Variants in KIRREL3 observed in about 807,000 individuals in gnomAD.
KIRREL3 encodes the protein kin of IRRE-like protein 3.
A neutral mutation model predicts 89.7 loss-of-function variants in KIRREL3; 36 were observed. The ratio of observed to expected loss-of-function variants is 0.40; its 90% confidence interval spans 0.31 to 0.53. The LOEUF (loss-of-function observed/expected upper bound fraction) is 0.53. Ranked by LOEUF, KIRREL3 falls within the 20% of genes least tolerant of loss-of-function variation. The pLI is 0.49. For missense variants in KIRREL3, 864 were observed against 1,056.6 expected (o/e 0.82, Z 2.53); for synonymous variants, 445 against 441.4 (o/e 1.01, Z -0.10).
In KIRREL3 at chr11:126,694,073, T is replaced by C. The variant is rs1020171146; in HGVS notation, c.56-131161A>G. ...CAGCTCACAGTCACACTAGGACAAC[T>C]TGGAAGTTGAATTGGCAAGTTGCAG... On this transcript the variant is annotated intron_variant, in intron 1 of 16. Transcript: ENST00000525144. This position sits in a 1 kb window ranked among gnomAD's most constrained non-coding sequence, Gnocchi z 4.4. Among the ~76,000 whole-genome samples the C allele has an allele frequency of 1.4e-4, 21 of 152,300 alleles. No individual in the cohort carries two copies. Among genetic ancestry groups the C allele is most frequent in the African/African-American group, 5.1e-4 (21 of 41,570 alleles).
At chr11:127,001,767 A>G (rs1184075414), upstream of KIRREL3, among the ~76,000 whole-genome samples, 1 of 151,934 alleles carries the variant, frequency 6.6e-6, no homozygotes, top group Non-Finnish European at 1.5e-5. Context: ...GGGAAGCAAA[A>G]TAATAGGCAC....
At chr11:126,722,926 C>T (rs541013986) in intron 1 of KIRREL3, among the ~76,000 whole-genome samples, 34 of 152,300 alleles carry the variant, frequency 2.2e-4, no homozygotes, top group Middle Eastern at 3.4e-3. Context: ...TGGTGATTTC[C>T]GCACGAAATC....
chr11:126,875,283 C>A (rs992399844), intron 1 of KIRREL3, among the ~76,000 whole-genome samples: 1 of 152,070 alleles, frequency 6.6e-6, no homozygotes, highest in African/African-American at 2.4e-5. Context: ...CTGAAGAGAC[C>A]CCCCAGAAAC....
intron 1 of KIRREL3, among the ~76,000 whole-genome samples, chr11:126,792,973 G>A (rs969528796): frequency 1.3e-4 from 20 of 151,982 alleles, no homozygotes; most frequent in Admixed American, 1.3e-3. Context: ...TCTATTGGGG[G>A]GTTCACAGAT....
In KIRREL3 at chr11:126,562,139, T is replaced by G. The variant is rs1333715279; in HGVS notation, c.133+696A>C. On this transcript the variant is annotated intron_variant, in intron 2 of 16. Transcript: ENST00000525144. The surrounding 1 kb of genome is among the most constrained non-coding windows in gnomAD (Gnocchi z 4.7). ...GTCTGTGGCATCTGATGGAGAGGGT[T>G]ATTAGCTGCATGGAGACAGATGGCT... Among the ~76,000 whole-genome samples the G allele has an allele frequency of 6.6e-6, 1 of 152,180 alleles. No homozygotes were observed. The highest frequency in any genetic ancestry group is 1.9e-4 in the East Asian group (1 of 5,194).
rs1339003860 is a variant in KIRREL3, at chr11:126,427,571, G to A, written c.1806+1608C>T. On this transcript the variant is annotated intron_variant, in intron 15 of 16. Transcript: ENST00000525144. This position sits in a 1 kb window ranked among gnomAD's most constrained non-coding sequence, Gnocchi z 5.3. The stretch of plus-strand genomic sequence containing the variant: ...GAAGTCCAAAAGATTCGAAGGCCAG[G>A]AATCAAGCTCTTTGGCATGTCTGGA... Among the ~76,000 whole-genome samples, 2 of 152,196 alleles carry A rather than the reference G, an allele frequency of 1.3e-5. No homozygotes were observed. The highest frequency in any genetic ancestry group is 2.4e-5 in the African/African-American group (1 of 41,444).
intron 1 of KIRREL3, among the ~76,000 whole-genome samples, chr11:126,588,723 C>A (rs1316525814): frequency 2.0e-5 from 3 of 152,190 alleles, no homozygotes; most frequent in Non-Finnish European, 4.4e-5. Flanking sequence ...GTAAGGCCTA[C>A]AAGGGCAGGG....
In KIRREL3 at chr11:126,429,289, C is replaced by A. The variant is rs1308737484; in HGVS notation, c.1697-1G>T. ...TTGGCTGACACAACACCTTTGAGAT[C>A]TGGAGATAAAATAGTAAAGTGTAGA... On this transcript the variant is annotated splice_acceptor_variant, in intron 14 of 16. Transcript: ENST00000525144. LOFTEE classifies it high-confidence loss of function. The surrounding 1 kb of genome is among the most constrained non-coding windows in gnomAD (Gnocchi z 5.2). The A allele has an allele frequency of 1.9e-6, 3 of 1,603,200 alleles. No individual in the cohort carries two copies. The African/African-American group carries it at 4.0e-5, about 21-fold the overall frequency.
At chr11:126,667,167 A>C (rs1413841209) in intron 1 of KIRREL3, among the ~76,000 whole-genome samples, 1 of 152,232 alleles carries the variant, frequency 6.6e-6, no homozygotes, top group Admixed American at 6.5e-5. Flanking sequence ...AGTTACAGGA[A>C]ATAAAAAAAG....
At chr11:126,859,649 G>C (rs989799952) in intron 1 of KIRREL3, among the ~76,000 whole-genome samples, 1 of 152,192 alleles carries the variant, frequency 6.6e-6, no homozygotes, top group African/African-American at 2.4e-5. Context: ...TACATAAATT[G>C]AATTGACATT....
intron 1 of KIRREL3, among the ~76,000 whole-genome samples, chr11:126,629,187 A>T (rs1256848175): frequency 6.6e-6 from 1 of 151,740 alleles, no homozygotes; most frequent in East Asian, 1.9e-4. Context: ...TCTCTGGGGG[A>T]CTGGGTGCTC....
rs760921025 is a variant in KIRREL3, at chr11:126,445,075, T to C, written c.1156A>G (p.Lys386Glu). Residue 386 changes from lysine to glutamate, a missense_variant, in exon 10 of 17, where the codon AAA becomes GAA. Transcript: ENST00000525144. ...VLSNEKTLTL[K>E]SVRQEDAGKY... is the part of the protein sequence containing the mutation. ...CCCGCGTCCTCCTGGCGCACGGATT[T>C]GAGGGTCAGGGTCTTCTCATTGCTC... is the stretch of plus-strand genomic sequence containing the variant. 10 of 1,614,002 alleles carry C rather than the reference T, an allele frequency of 6.2e-6. No individual in the cohort carries two copies. The South Asian group carries it at 7.7e-5, about 12-fold the overall frequency.
intron 1 of KIRREL3, among the ~76,000 whole-genome samples, chr11:126,720,228 T>C: frequency 6.6e-6 from 1 of 152,224 alleles, no homozygotes; most frequent in East Asian, 1.9e-4. Context: ...TGTCCACTAC[T>C]GTATCTCCAG....
At chr11:126,682,000 C>A (rs1285641542) in intron 1 of KIRREL3, 3 of 408,704 alleles carry the variant, frequency 7.3e-6, no homozygotes, top group Admixed American at 2.8e-5. Context: ...AATCAGGAGA[C>A]CAGATGTCAA....
chr11:126,445,314 G>T (rs1366549728), intron 9 of KIRREL3, among the ~76,000 whole-genome samples: 2 of 152,230 alleles, frequency 1.3e-5, no homozygotes, highest in Admixed American at 6.5e-5. Context: ...CCAGCAGAGA[G>T]GCCACCCCGT....
chr11:126,891,063 A>T lies in KIRREL3; in HGVS notation c.55+109392T>A, dbSNP rs1473670983. Among the ~76,000 whole-genome samples the T allele has an allele frequency of 6.6e-6, 1 of 152,212 alleles. No individual in the cohort carries two copies. The highest frequency in any genetic ancestry group is 1.5e-5 in the Non-Finnish European group (1 of 68,036). On this transcript the variant is annotated intron_variant, in intron 1 of 16. Coordinates refer to ENST00000525144, the MANE Select transcript of KIRREL3 (RefSeq NM_032531.4). This position sits in a 1 kb window ranked among gnomAD's most constrained non-coding sequence, Gnocchi z 5.1. ...TCACCCTCTTTGAGTTTGCCCTTAG[A>T]TCTTCAGCCTGCCAAAGAGGTGGGC... is the stretch of plus-strand genomic sequence containing the variant.
chr11:126,882,334 G>A (rs1432949129), intron 1 of KIRREL3, among the ~76,000 whole-genome samples: 2 of 152,320 alleles, frequency 1.3e-5, no homozygotes, highest in Non-Finnish European at 2.9e-5. Flanking sequence ...CAGCAGGGCA[G>A]AAGAATGGGC....
rs529536405 is a variant in KIRREL3 at position 126,501,012 on chromosome 11, C to T, written c.433+20303G>A. Among the ~76,000 whole-genome samples, 2 of 152,356 alleles carry T rather than the reference C, an allele frequency of 1.3e-5. No individual in the cohort carries two copies. The highest frequency in any genetic ancestry group is 3.9e-4 in the East Asian group (2 of 5,186). ...CAAATGTCAGCCTTTCCCCTTCTGA[C>T]GCCCTCCACCCGCTGCCGAGACATC... On this transcript the variant is annotated intron_variant, in intron 4 of 16. Transcript: ENST00000525144. This position sits in a 1 kb window ranked among gnomAD's most constrained non-coding sequence, Gnocchi z 5.8.
rs901049550 is a variant in KIRREL3 at position 126,697,934 on chromosome 11, G to A, written c.56-135022C>T. On this transcript the variant is annotated intron_variant, in intron 1 of 16. Coordinates refer to ENST00000525144, the MANE Select transcript of KIRREL3 (RefSeq NM_032531.4). This position sits in a 1 kb window ranked among gnomAD's most constrained non-coding sequence, Gnocchi z 4.2. ...AGTGATGAGAAGAGAGAGCCAGGGA[G>A]GCTCAGAGACTGAGCAAGTGCCAAG... Among the ~76,000 whole-genome samples the A allele has an allele frequency of 1.3e-5, 2 of 152,202 alleles. No homozygotes were observed. The highest frequency in any genetic ancestry group is 4.8e-5 in the African/African-American group (2 of 41,462).
Sources: allele counts gnomAD v4.1 joint callset (sites outside exome capture counted in the v4.1 genomes callset), GRCh38; gene constraint gnomAD v4.1.1; non-coding constraint Gnocchi (gnomAD v3.1); transcripts MANE v1.5; gene names NCBI Gene and HGNC (gene_info 2026-07-23, HGNC 2026-07-21).